TENM2: variants seen among roughly 807,000 people sequenced by gnomAD.
TENM2 encodes teneurin-2.
In TENM2, 52 loss-of-function variants were observed where a neutral mutation model predicts 245.2. That is an observed-to-expected ratio of 0.21 (90% CI 0.17 to 0.27). TENM2 has a LOEUF of 0.27. Among genes scored for constraint, TENM2 ranks in the 10% least tolerant of loss-of-function variants. The probability of loss-of-function intolerance (pLI) is 1.00; values close to 1 mark genes in which losing one functional copy is unlikely to be tolerated. For synonymous variants in TENM2, 1,363 were observed against 1,438.9 expected, an observed-to-expected ratio of 0.95 and a Z score of 1.19; for missense variants, 3,046 against 3,666.8, an observed-to-expected ratio of 0.83 and a Z score of 4.37.
Position 168,226,091 on chromosome 5 carries a change from T to C in TENM2, c.5112T>C (p.Tyr1704=), listed in dbSNP as rs778962511. The change falls in exon 24 of 29, where the codon TAT becomes TAC. Residue 1704 remains tyrosine (Y), a synonymous_variant. Transcript: ENST00000518659. The stretch of plus-strand genomic sequence containing the variant: ...CTATCTATCTATCTCCCCCCAGCTA[T>C]GACCACGAAGGCCGCCTGACCAACG... The C allele has an allele frequency of 5.0e-6, 8 of 1,612,740 alleles. No individual in the cohort carries two copies. In the South Asian group the frequency reaches 7.7e-5, roughly 16 times the overall value.
chr5:168,234,287 A>G (rs574694171), intron 25 of TENM2, among the ~76,000 whole-genome samples: 15 of 152,276 alleles, frequency 9.9e-5, no homozygotes, highest in African/African-American at 2.9e-4. Flanking sequence ...CATGGAAGAA[A>G]GATTGACCTG....
chr5:167,229,489 C>G, the TENM2 span, among the ~76,000 whole-genome samples: 1 of 152,170 alleles, frequency 6.6e-6, no homozygotes, highest in Non-Finnish European at 1.5e-5. Context: ...CCTCTGAAAC[C>G]CAACTAGTCT....
intron 3 of TENM2, chr5:167,937,737 T>G (rs1056772973): frequency 1.3e-5 from 2 of 152,192 alleles, no homozygotes; most frequent in Non-Finnish European, 2.9e-5. Flanking sequence ...GCACGTGTTT[T>G]CATTAGAAAA....
chr5:167,736,345 G>T (rs1254417998), intron 2 of TENM2, among the ~76,000 whole-genome samples: 1 of 152,120 alleles, frequency 6.6e-6, no homozygotes, highest in Non-Finnish European at 1.5e-5. Context: ...TGAGATTTGG[G>T]TGGGGACACA....
intron 1 of TENM2, among the ~76,000 whole-genome samples, chr5:167,317,442 C>A (rs1756433106): frequency 6.6e-6 from 1 of 152,074 alleles, no homozygotes; most frequent in African/African-American, 2.4e-5. Flanking sequence ...AACTCATCAA[C>A]CCTACAGTTA....
At chr5:167,551,243 C>T (rs1260809560) in intron 2 of TENM2, among the ~76,000 whole-genome samples, 2 of 152,274 alleles carry the variant, frequency 1.3e-5, no homozygotes, top group South Asian at 2.1e-4. Flanking sequence ...ATAGTGTTGA[C>T]TATGTGTCAG....
At chr5:167,001,552 A>C in the TENM2 span, among the ~76,000 whole-genome samples, 2 of 152,248 alleles carry the variant, frequency 1.3e-5, no homozygotes, top group African/African-American at 4.8e-5. Flanking sequence ...TTAAAAAAAA[A>C]AAAACATTAA....
Position 167,364,164 on chromosome 5 carries a change from C to T in TENM2, c.227-11034C>T, listed in dbSNP as rs190834285. Among the ~76,000 whole-genome samples, 452 of 152,036 alleles carry T rather than the reference C, an allele frequency of 3.0e-3. 2 individuals carry two copies. The highest frequency in any genetic ancestry group is 0.011 in the African/African-American group (437 of 41,496). On this transcript the variant is annotated intron_variant, in intron 1 of 28. Transcript: ENST00000518659. ...GAAGTGAATAAATATATAAAAGAGGCAATGACTGAGACTTTTTTTATATTA... is the reference window on the plus strand; with the variant it reads ...GAAGTGAATAAATATATAAAAGAGGTAATGACTGAGACTTTTTTTATATTA...
chr5:167,067,305 T>A, the TENM2 span, among the ~76,000 whole-genome samples: 1 of 152,166 alleles, frequency 6.6e-6, no homozygotes, highest in East Asian at 1.9e-4. Context: ...TTTGCAGAAT[T>A]TTTTTTCCTT....
the TENM2 span, among the ~76,000 whole-genome samples, chr5:166,984,240 AT>A: frequency 6.6e-6 from 1 of 152,054 alleles, no homozygotes; most frequent in Non-Finnish European, 1.5e-5. Flanking sequence ...AGGTTTTGCA[AT>A]TTTTAATTTA....
At chr5:167,618,671 G>A (rs1427996864) in intron 2 of TENM2, among the ~76,000 whole-genome samples, 1 of 152,078 alleles carries the variant, frequency 6.6e-6, no homozygotes, top group South Asian at 2.1e-4. Flanking sequence ...TGTGTTTGGG[G>A]AGATGAAGCT....
chr5:167,174,596 C>A, the TENM2 span, among the ~76,000 whole-genome samples: 1 of 151,948 alleles, frequency 6.6e-6, no homozygotes, highest in Non-Finnish European at 1.5e-5. Flanking sequence ...GTTTTGATAT[C>A]TGTATATATA....
At chr5:167,820,680 G>A (rs1767449372) in intron 2 of TENM2, among the ~76,000 whole-genome samples, 1 of 152,242 alleles carries the variant, frequency 6.6e-6, no homozygotes, top group African/African-American at 2.4e-5. Context: ...AGCCGGGTAA[G>A]TGTATGCAGC....
At chr5:167,371,308 C>T (rs1317758227) in intron 1 of TENM2, among the ~76,000 whole-genome samples, 1 of 151,484 alleles carries the variant, frequency 6.6e-6, no homozygotes, top group African/African-American at 2.4e-5. Context: ...TCACCTTGCA[C>T]CACGATGTGA....
At chr5:168,076,342 C>A (rs1791476022) in intron 7 of TENM2, among the ~76,000 whole-genome samples, 1 of 151,862 alleles carries the variant, frequency 6.6e-6, no homozygotes, top group South Asian at 2.1e-4. Flanking sequence ...TCTCCTGCCT[C>A]AGCCTCCTGC....
intron 2 of TENM2, among the ~76,000 whole-genome samples, chr5:167,607,516 C>T (rs1337248453): frequency 6.6e-6 from 1 of 152,214 alleles, no homozygotes; most frequent in Non-Finnish European, 1.5e-5. Context: ...TTGGCCTGCA[C>T]ACTGTCAGTT....
At chr5:167,823,352 A>G (rs1268319704) in intron 2 of TENM2, among the ~76,000 whole-genome samples, 1 of 152,130 alleles carries the variant, frequency 6.6e-6, no homozygotes, top group South Asian at 2.1e-4. Context: ...GTGTGTGTGC[A>G]TATATGTAAT....
chr5:167,528,521 G>C (rs1554169963), intron 2 of TENM2, among the ~76,000 whole-genome samples: 2 of 152,026 alleles, frequency 1.3e-5, no homozygotes, highest in Non-Finnish European at 2.9e-5. Context: ...TTGTTGGGAG[G>C]CTTAAATAAA....
intron 2 of TENM2, among the ~76,000 whole-genome samples, chr5:167,510,725 T>G (rs1385036829): frequency 3.3e-5 from 5 of 152,026 alleles, no homozygotes; most frequent in Non-Finnish European, 7.4e-5. Flanking sequence ...TAGTTGAGTT[T>G]AGTTTTTTGT....
Sources: gnomAD v4.1 joint callset for allele counts (sites outside exome capture counted in the v4.1 genomes callset) on GRCh38, gnomAD v4.1.1 for gene constraint, MANE v1.5 for transcripts, NCBI Gene and HGNC (gene_info 2026-07-23, HGNC 2026-07-21) for gene names.